The following ASPSCR1 variants were observed in gnomAD, a reference collection of about 807,000 sequenced individuals.
ASPSCR1 encodes ASPSCR1 tether for SLC2A4, UBX domain containing.
In ASPSCR1, 55 loss-of-function variants were observed where a neutral mutation model predicts 68.9. The ratio of observed to expected loss-of-function variants is 0.80; its 90% CI spans 0.64 to 1.00. The LOEUF (loss-of-function observed/expected upper bound fraction) is 1.00. Ranked by LOEUF, ASPSCR1 falls within the 50% of genes least tolerant of loss-of-function variation. ASPSCR1 has a pLI of 0.00. For synonymous variants in ASPSCR1, 352 were observed against 332.6 expected, an observed-to-expected ratio of 1.06 and a Z score of -0.63; for missense variants, 765 against 762.2, an observed-to-expected ratio of 1.00 and a Z score of -0.04.
Position 82,016,527 on chromosome 17 carries a change from GGTGA to G in ASPSCR1, c.1405+4_1405+7del. ...GCACTTGGGAGCCGAGGAGCCGGCA[GGTGA>G]GTGTCAGTGGTTGGGGCCAGTGTCG... is the stretch of plus-strand genomic sequence containing the variant. On this transcript the variant is annotated splice_donor_variant and splice_donor_region_variant and intron_variant, in intron 13 of 15. Coordinates refer to ENST00000306739, the MANE Select transcript of ASPSCR1 (RefSeq NM_024083.4). LOFTEE classifies it high-confidence loss of function. 1 of 1,549,328 alleles carries G rather than the reference GGTGA, an allele frequency of 6.5e-7. No homozygotes were observed. The highest frequency in any genetic ancestry group is 8.7e-7 in the Non-Finnish European group (1 of 1,147,042).
intron 4 of ASPSCR1, among the ~76,000 whole-genome samples, chr17:81,988,954 T>C (rs2042080389): frequency 1.3e-5 from 2 of 152,146 alleles, no homozygotes; most frequent in African/African-American, 4.8e-5. Flanking sequence ...TCACCTGTAA[T>C]CCCAGCACTT....
intron 13 of ASPSCR1, 88 bp from the exon 14 acceptor site, chr17:82,016,712 C>A: frequency 6.7e-7 from 1 of 1,503,680 alleles, no homozygotes. Flanking sequence ...ACCCCCCTCC[C>A]AGAGCTGAGT....
intron 7 of ASPSCR1, among the ~76,000 whole-genome samples, chr17:81,997,396 A>G (rs183403318): frequency 1.5e-4 from 23 of 152,076 alleles, no homozygotes; most frequent in East Asian, 3.9e-4. Context: ...CCAGTCTTCA[A>G]TCTGGTCTGG....
In ASPSCR1 at chr17:81,983,621, C is replaced by G. The variant is rs1477691078; in HGVS notation, c.226C>G (p.Leu76Val). Residue 76 changes from leucine (L) to valine (V), a missense_variant, in exon 3 of 16, where the codon CTG becomes GTG. Coordinates refer to ENST00000306739, the MANE Select transcript of ASPSCR1 (RefSeq NM_024083.4). This position sits in a 1 kb window ranked among gnomAD's most constrained non-coding sequence, Gnocchi z 4.4. Reference sequence around the variant, plus strand: ...TGCCAACCTGCCCAACAATGCCAAGCTGGAGATGGTGCCCGCTTCCCGGAG... The same window carrying G: ...TGCCAACCTGCCCAACAATGCCAAGGTGGAGATGGTGCCCGCTTCCCGGAG... ...RFANLPNNAKLEMVPASRSRE... is the reference protein window; with the variant it reads ...RFANLPNNAKVEMVPASRSRE... 6.2e-7 allele frequency: 1 copy of G among 1,613,500 alleles called. No individual in the cohort carries two copies. The highest frequency in any genetic ancestry group is 1.1e-5 in the South Asian group (1 of 90,978).
rs779527859 is a variant in ASPSCR1 at position 81,986,129 on chromosome 17, ATGGCTGGGCACAG to A, written c.374+546_374+558del. ...AGAAAATCTTCCTAATAGTAATTGG[ATGGCTGGGCACAG>A]TGGCTGGGCACAGTGGCTGGGCAAA... On this transcript the variant is annotated intron_variant, in intron 4 of 15. Coordinates refer to ENST00000306739, the MANE Select transcript of ASPSCR1 (RefSeq NM_024083.4). This position sits in a 1 kb window ranked among gnomAD's most constrained non-coding sequence, Gnocchi z 5.2. Among the ~76,000 whole-genome samples the A allele has an allele frequency of 3.3e-3, 504 of 152,144 alleles. 2 individuals carry two copies. Among genetic ancestry groups the A allele is most frequent in the African/African-American group, 8.9e-3 (370 of 41,508 alleles).
intron 4 of ASPSCR1, among the ~76,000 whole-genome samples, chr17:81,993,726 C>T (rs187860638): frequency 7.2e-5 from 11 of 152,378 alleles, no homozygotes; most frequent in East Asian, 3.9e-4. Context: ...CCCCCCATCC[C>T]GGAGGGTTGC....
Position 82,012,235 on chromosome 17 carries a change from C to T in ASPSCR1, c.1305C>T (p.Ile435=). 1 of 1,613,580 alleles carries T rather than the reference C, an allele frequency of 6.2e-7. No homozygotes were observed. The highest frequency in any genetic ancestry group is 8.5e-7 in the Non-Finnish European group (1 of 1,179,890). Residue 435 remains isoleucine, a synonymous_variant, in exon 12 of 16, where the codon ATC becomes ATT. Transcript: ENST00000306739. ...GNPELSFYLF[I]TPPKTVLDDH... is the part of the protein sequence containing the mutation. ...GTAGGTGCCTTCTCTCCTCAGTCAT[C>T]ACCCCTCCAAAAACAGTCCTGGACG...
At chr17:82,010,922 C>T in intron 10 of ASPSCR1, 54 bp downstream of exon 10, 3 of 1,577,686 alleles carry the variant, frequency 1.9e-6, no homozygotes, top group Non-Finnish European at 2.6e-6. Flanking sequence ...CATGGGGCCT[C>T]TCCCGGCTCC....
chr17:82,002,171 GTA>G (rs1269957135), intron 7 of ASPSCR1, among the ~76,000 whole-genome samples: 1 of 149,706 alleles, frequency 6.7e-6, no homozygotes, highest in East Asian at 2.0e-4. Context: ...ATCTTCTAAA[GTA>G]TTTTTCTTTT....
intron 10 of ASPSCR1, 66 bp from the exon 11 acceptor site, chr17:82,011,477 G>C: frequency 6.7e-7 from 1 of 1,482,186 alleles, no homozygotes; most frequent in Non-Finnish European, 9.1e-7. Context: ...AGTGGCCCAG[G>C]TGCTGGGGCA....
At chr17:81,982,056 C>T (rs543620448) in intron 2 of ASPSCR1, among the ~76,000 whole-genome samples, 1 of 152,288 alleles carries the variant, frequency 6.6e-6, no homozygotes, top group Non-Finnish European at 1.5e-5. Context: ...GCAACCTCCG[C>T]CTCCCGGGTT....
At chr17:82,010,897 T>C (rs886803719) in intron 10 of ASPSCR1, 29 bp downstream of exon 10, 1 of 1,606,836 alleles carries the variant, frequency 6.2e-7, no homozygotes, top group African/African-American at 1.3e-5. Flanking sequence ...TGTCCGGGGA[T>C]GGGGGGCAGG....
At chr17:81,978,828 AG>A (rs2041700996) in intron 1 of ASPSCR1, 2 of 341,080 alleles carry the variant, frequency 5.9e-6, no homozygotes, top group South Asian at 3.0e-5. Context: ...TGCCAGAGCC[AG>A]GGGGTAGCTT....
chr17:82,008,745 C>T (rs1012156977), intron 7 of ASPSCR1: 24 of 354,490 alleles, frequency 6.8e-5, no homozygotes, highest in African/African-American at 3.6e-4. Context: ...GAGCCAGACT[C>T]CAGGGGCCAT....
chr17:82,001,925 G>A (rs1279790281), intron 7 of ASPSCR1, among the ~76,000 whole-genome samples: 1 of 151,856 alleles, frequency 6.6e-6, no homozygotes, highest in African/African-American at 2.4e-5. Context: ...CCCAGCTCCA[G>A]ACGGGCTCAT....
At position 81,977,725 on chromosome 17, in the gene ASPSCR1, A is replaced by T; in HGVS notation, c.79A>T (p.Thr27Ser). 6 of 1,297,268 alleles carry T rather than the reference A, an allele frequency of 4.6e-6. No individual in the cohort carries two copies. The highest frequency in any genetic ancestry group is 5.9e-6 in the Non-Finnish European group (6 of 1,017,356). The allele number at this position is 1,297,268 out of a possible 1,614,324, so 80.4% of individuals were successfully genotyped here. A position where few individuals can be genotyped will look rare whatever the true frequency, so the allele number is the denominator to read the frequency against. ...PNGRRHTVKV[T>S]PSTVLLQVLE... is the part of the protein sequence containing the mutation. ...CGGCCGGCGCCACACGGTGAAGGTG[A>T]CGCCGAGCACCGTGCTGCTTCAGGT... is the stretch of plus-strand genomic sequence containing the variant. The change falls in exon 1 of 16, where the codon ACG (threonine) becomes TCG (serine). Residue 27 changes from threonine to serine, a missense_variant. Thr to Ser is a moderately conservative substitution (Grantham distance 58, BLOSUM62 1). Coordinates refer to ENST00000306739, the MANE Select transcript of ASPSCR1 (RefSeq NM_024083.4). The surrounding 1 kb of genome is among the most constrained non-coding windows in gnomAD (Gnocchi z 5.0).
At chr17:82,009,267 C>G (rs1374290067) in intron 8 of ASPSCR1, 76 bp downstream of exon 8, 72 of 1,488,666 alleles carry the variant, frequency 4.8e-5, no homozygotes, top group Non-Finnish European at 6.5e-5. Flanking sequence ...TGCCCGCTGT[C>G]CCCAGTGCCA....
rs1351722305 is a variant in ASPSCR1 at position 81,999,689 on chromosome 17, CCTCGG to C, written c.933+2846_933+2850del. On this transcript the variant is annotated intron_variant, in intron 7 of 15. Coordinates refer to ENST00000306739, the MANE Select transcript of ASPSCR1 (RefSeq NM_024083.4). The surrounding 1 kb of genome is among the most constrained non-coding windows in gnomAD (Gnocchi z 4.4). ...GAGGGCTCTGTGCACATGGCCCCGG[CCTCGG>C]CTGTCCCCTGGGCACTCGTGCTACG... is the stretch of plus-strand genomic sequence containing the variant. Among the ~76,000 whole-genome samples the C allele has an allele frequency of 2.6e-5, 4 of 152,038 alleles. No individual in the cohort carries two copies. The highest frequency in any genetic ancestry group is 9.7e-5 in the African/African-American group (4 of 41,386).
Position 81,980,149 on chromosome 17 carries a change from AT to A in ASPSCR1, c.158+915del, listed in dbSNP as rs1230596802. 3.9e-5 allele frequency among the ~76,000 whole-genome samples: 6 copies of A among 152,208 alleles called. No individual in the cohort carries two copies. The East Asian group carries it at 9.7e-4, about 25-fold the overall frequency. ...AGGTGCTCACCAACACACCCAGCTA[AT>A]TTTTATATTTTTAGTAGAGATGGGG... On this transcript the variant is annotated intron_variant, in intron 2 of 15. Transcript: ENST00000306739.
Sources: allele counts gnomAD v4.1 joint callset (sites outside exome capture counted in the v4.1 genomes callset), GRCh38; gene constraint gnomAD v4.1.1; non-coding constraint Gnocchi (gnomAD v3.1); transcripts MANE v1.5; gene names NCBI Gene and HGNC (gene_info 2026-07-23, HGNC 2026-07-21).